Variants in CNTNAP5 observed in about 807,000 individuals in gnomAD.
The protein encoded by CNTNAP5 is contactin-associated protein-like 5.
CNTNAP5 carries 72 observed loss-of-function variants against 150.2 expected under a neutral mutation model. The observed-to-expected ratio is 0.48, with a 90% confidence interval of 0.40 to 0.58. The LOEUF (loss-of-function observed/expected upper bound fraction) is 0.58. Ranked by LOEUF, CNTNAP5 falls within the 20% of genes least tolerant of loss-of-function variation. CNTNAP5 has a pLI of 0.00. For synonymous variants in CNTNAP5, 672 were observed against 619.8 expected, an observed-to-expected ratio of 1.08 and a Z score of -1.25; for missense variants, 1,636 against 1,626.2, an observed-to-expected ratio of 1.01 and a Z score of -0.10.
chr2:124,507,392 G>A (rs530202763), intron 8 of CNTNAP5, among the ~76,000 whole-genome samples: 6 of 152,192 alleles, frequency 3.9e-5, no homozygotes, highest in African/African-American at 9.6e-5. Context: ...CAGGGAGGCC[G>A]AGGCTGCAGT....
Position 124,559,385 on chromosome 2 carries a change from ACTAT to A in CNTNAP5, c.1650-3828_1650-3825del, listed in dbSNP as rs1272382944. 3.9e-5 allele frequency among the ~76,000 whole-genome samples: 6 copies of A among 152,200 alleles called. 1 individual carries two copies. The highest frequency in any genetic ancestry group is 1.4e-4 in the African/African-American group (6 of 41,518). On this transcript the variant is annotated intron_variant, in intron 10 of 23. Transcript: ENST00000682447. Reference sequence around the variant, plus strand: ...TAACAGCTTCCAATGTGTCTGCCACACTATCTAAGTTTTTCCTGGGACACATCAC... The same window carrying A: ...TAACAGCTTCCAATGTGTCTGCCACACTAAGTTTTTCCTGGGACACATCAC...
intron 10 of CNTNAP5, among the ~76,000 whole-genome samples, chr2:124,560,273 C>T (rs762957851): frequency 8.5e-5 from 13 of 152,120 alleles, no homozygotes; most frequent in East Asian, 3.9e-4. Context: ...TTTGAGAGGC[C>T]GAGGCAGGTG....
intron 14 of CNTNAP5, among the ~76,000 whole-genome samples, chr2:124,754,395 T>C (rs1680793601): frequency 6.6e-6 from 1 of 152,152 alleles, no homozygotes; most frequent in Non-Finnish European, 1.5e-5. Context: ...GAAGGGTTTA[T>C]GTGGGTTTTT....
intron 3 of CNTNAP5, among the ~76,000 whole-genome samples, chr2:124,272,912 A>G (rs1687796293): frequency 6.6e-6 from 1 of 152,226 alleles, no homozygotes; most frequent in South Asian, 2.1e-4. Context: ...AACTATGTCT[A>G]ACTATTGGAT....
At chr2:124,360,381 T>C (rs905645787) in intron 3 of CNTNAP5, among the ~76,000 whole-genome samples, 1 of 148,700 alleles carries the variant, frequency 6.7e-6, no homozygotes, top group South Asian at 2.2e-4. Flanking sequence ...TGCTCGTTAG[T>C]TGATGCAGTT....
chr2:124,409,125 A>G (rs1160757607), intron 3 of CNTNAP5, among the ~76,000 whole-genome samples: 1 of 146,232 alleles, frequency 6.8e-6, no homozygotes, highest in Non-Finnish European at 1.5e-5. Flanking sequence ...CAACTGGAAG[A>G]AAGGGTATCA....
At position 124,143,048 on chromosome 2, in the gene CNTNAP5, G is replaced by A. The variant is rs1204579471; in HGVS notation, c.83-78657G>A. On this transcript the variant is annotated intron_variant, in intron 1 of 23. Coordinates refer to ENST00000682447, the MANE Select transcript of CNTNAP5 (RefSeq NM_001367498.1). Reference sequence around the variant, plus strand: ...ATAAACTAGAAAATCTAGAAGAAATGGATACATTCCTCGACACATACACTC... The same window carrying A: ...ATAAACTAGAAAATCTAGAAGAAATAGATACATTCCTCGACACATACACTC... Among the ~76,000 whole-genome samples the A allele has an allele frequency of 2.8e-3, 111 of 39,992 alleles. 4 individuals are homozygous for A. Among genetic ancestry groups the A allele is most frequent in the African/African-American group, 0.011 (102 of 9,518 alleles). 26.2% of individuals were successfully genotyped at this position (39,992 alleles called of 152,430 possible).
intron 3 of CNTNAP5, among the ~76,000 whole-genome samples, chr2:124,254,179 T>C (rs1687252095): frequency 6.6e-6 from 1 of 152,198 alleles, no homozygotes; most frequent in South Asian, 2.1e-4. Flanking sequence ...GTTAGAAATA[T>C]TTAAATCCTT....
chr2:124,084,609 A>T (rs573129935), intron 1 of CNTNAP5, among the ~76,000 whole-genome samples: 17 of 152,020 alleles, frequency 1.1e-4, no homozygotes, highest in African/African-American at 3.9e-4. Flanking sequence ...ACATACATGT[A>T]TGTGTGTGTA....
chr2:124,493,655 C>A (rs991229876), intron 7 of CNTNAP5, among the ~76,000 whole-genome samples: 31 of 151,962 alleles, frequency 2.0e-4, no homozygotes, highest in African/African-American at 7.5e-4. Context: ...AATTTTTTAA[C>A]TTAAAAGTAC....
chr2:124,585,245 T>C (rs550791151), intron 11 of CNTNAP5, among the ~76,000 whole-genome samples: 50 of 152,154 alleles, frequency 3.3e-4, no homozygotes, highest in Admixed American at 9.8e-4. Flanking sequence ...TTTCAGCTGA[T>C]AGAGAGAGAA....
chr2:124,783,042 G>A (rs565031090), intron 17 of CNTNAP5, among the ~76,000 whole-genome samples: 97 of 152,198 alleles, frequency 6.4e-4, no homozygotes, highest in Non-Finnish European at 1.1e-3. Flanking sequence ...TACATGCAAT[G>A]TGATTCCATT....
At chr2:124,495,254 T>C (rs1297422427) in intron 7 of CNTNAP5, among the ~76,000 whole-genome samples, 1 of 152,170 alleles carries the variant, frequency 6.6e-6, no homozygotes, top group Non-Finnish European at 1.5e-5. Context: ...TGGTTCTCAG[T>C]GTGTAAATCT....
intron 3 of CNTNAP5, among the ~76,000 whole-genome samples, chr2:124,340,845 A>G (rs1689595322): frequency 6.7e-6 from 1 of 148,350 alleles, no homozygotes; most frequent in Non-Finnish European, 1.5e-5. Context: ...GCGTGTGTAT[A>G]TATGTACACA....
At chr2:124,804,211 G>A (rs1682033465) in intron 19 of CNTNAP5, among the ~76,000 whole-genome samples, 2 of 152,134 alleles carry the variant, frequency 1.3e-5, no homozygotes, top group South Asian at 2.1e-4. Flanking sequence ...CCTCTAGAGG[G>A]CGATAAAGAG....
At chr2:124,198,438 T>C (rs546498614) in intron 1 of CNTNAP5, among the ~76,000 whole-genome samples, 7 of 152,100 alleles carry the variant, frequency 4.6e-5, no homozygotes, top group Non-Finnish European at 8.8e-5. Context: ...GATTTTAGAA[T>C]CAAGCGGTAC....
rs978057077 is a variant in CNTNAP5 at position 124,449,060 on chromosome 2, G to A, written c.918+2123G>A. 7.2e-5 allele frequency among the ~76,000 whole-genome samples: 11 copies of A among 152,206 alleles called. No homozygotes were observed. The East Asian group carries it at 7.7e-4, about 11-fold the overall frequency. Reference sequence around the variant, plus strand: ...GATGGAGATGAATAATTGAGAAATCGGGACTTATTTTTTCAATCACTATCA... The same window carrying A: ...GATGGAGATGAATAATTGAGAAATCAGGACTTATTTTTTCAATCACTATCA... On this transcript the variant is annotated intron_variant, in intron 6 of 23. Coordinates refer to ENST00000682447, the MANE Select transcript of CNTNAP5 (RefSeq NM_001367498.1).
intron 13 of CNTNAP5, among the ~76,000 whole-genome samples, chr2:124,659,947 GA>G (rs2105043405): frequency 6.6e-6 from 1 of 152,016 alleles, no homozygotes; most frequent in Non-Finnish European, 1.5e-5. Flanking sequence ...GACATTGTAG[GA>G]ATAAAACAGT....
At chr2:124,415,380 C>T (rs987696522) in intron 3 of CNTNAP5, among the ~76,000 whole-genome samples, 1 of 152,122 alleles carries the variant, frequency 6.6e-6, no homozygotes, top group African/African-American at 2.4e-5. Flanking sequence ...TTACATCAAT[C>T]GCCTAATTTC....
Sources: allele counts gnomAD v4.1 joint callset (sites outside exome capture counted in the v4.1 genomes callset), GRCh38; gene constraint gnomAD v4.1.1; transcripts MANE v1.5; gene names NCBI Gene and HGNC (gene_info 2026-07-23, HGNC 2026-07-21).